SCAP: variants seen among roughly 807,000 people sequenced by gnomAD.
The protein encoded by SCAP is sterol regulatory element-binding protein cleavage-activating protein.
In SCAP, 65 loss-of-function variants were observed where a neutral mutation model predicts 123.6. The observed-to-expected ratio is 0.53, with a 90% CI of 0.43 to 0.65. SCAP has a LOEUF of 0.65. SCAP is among the 30% of genes least tolerant of loss of function. The probability of loss-of-function intolerance (pLI) is 0.00; values close to 1 mark genes in which losing one functional copy is unlikely to be tolerated. For missense variants in SCAP, 1,398 were observed against 1,712.5 expected (o/e 0.82, Z 3.24); for synonymous variants, 740 against 726.3 (o/e 1.02, Z -0.30).
chr3:47,427,344 C>T, intron 5 of SCAP, 82 bp from the exon 6 acceptor site: 1 of 1,545,836 alleles, frequency 6.5e-7, no homozygotes, highest in Non-Finnish European at 8.9e-7. Flanking sequence ...CACCCCCACC[C>T]TGGGAAACAA....
chr3:47,424,874 C>T (rs1041600332), intron 8 of SCAP, among the ~76,000 whole-genome samples: 1 of 152,116 alleles, frequency 6.6e-6, no homozygotes, highest in Non-Finnish European at 1.5e-5. Context: ...CGGGCCTAGC[C>T]AGAGCCAAGA....
At position 47,426,013 on chromosome 3, in the gene SCAP, G is replaced by A. The variant is rs191684305; in HGVS notation, c.894C>T (p.Tyr298=). Residue 298 remains tyrosine, a synonymous_variant, in exon 7 of 23, where the codon TAC becomes TAT. Transcript: ENST00000265565. ...LVTTYIILFA[Y]IYFSTRKIDM... The stretch of plus-strand genomic sequence containing the variant: ...TGAACCTACGCGTGGAGAAGTAGAT[G>A]TAGGCAAACAAGATGATGTAGGTGG... 1.2e-5 allele frequency: 20 copies of A among 1,614,188 alleles called. 1 individual carries two copies. The highest frequency in any genetic ancestry group is 3.3e-4 in the Middle Eastern group (2 of 6,062).
chr3:47,428,160 C>A (rs1706218388), intron 4 of SCAP, among the ~76,000 whole-genome samples: 1 of 152,098 alleles, frequency 6.6e-6, no homozygotes, highest in Admixed American at 6.6e-5. Context: ...CAGAAGGTAC[C>A]CCCAGGTAGA....
intron 1 of SCAP, among the ~76,000 whole-genome samples, chr3:47,469,009 T>C (rs887865683): frequency 6.6e-6 from 1 of 152,214 alleles, no homozygotes; most frequent in Admixed American, 6.5e-5. Context: ...GATGGTTGCA[T>C]AACAATGTGA....
chr3:47,445,146 T>TA (rs548478732), intron 1 of SCAP, among the ~76,000 whole-genome samples: 91 of 152,260 alleles, frequency 6.0e-4, no homozygotes, highest in African/African-American at 2.1e-3. Context: ...CATCAGTTGA[T>TA]AAACATTTGG....
At position 47,424,027 on chromosome 3, in the gene SCAP, A is replaced by G. The variant is rs1384575313; in HGVS notation, c.1056T>C (p.Leu352=). 1.2e-6 allele frequency: 2 copies of G among 1,613,232 alleles called. No individual in the cohort carries two copies. The highest frequency in any genetic ancestry group is 2.2e-5 in the South Asian group (2 of 91,060). ...TLNGGEIFPY[L]VVVIGLENVL... is the part of the protein sequence containing the mutation. ...CATTCTCTAACCCAATAACCACCAC[A>G]AGGTAGGGGAAAATCTCGCTGGGGA... Residue 352 remains leucine (L), a synonymous_variant, in exon 9 of 23, where the codon CTT becomes CTC. Coordinates refer to ENST00000265565, the MANE Select transcript of SCAP (RefSeq NM_012235.4).
In SCAP at chr3:47,419,783, GCAGCA is replaced by G. The variant is rs1705808853; in HGVS notation, c.1564-84_1564-80del. On this transcript the variant is annotated intron_variant, in intron 12 of 22. Coordinates refer to ENST00000265565, the MANE Select transcript of SCAP (RefSeq NM_012235.4). The surrounding 1 kb of genome is among the most constrained non-coding windows in gnomAD (Gnocchi z 5.0). The stretch of plus-strand genomic sequence containing the variant: ...GCTTCAGCCCTCATGCTGAGAGGAA[GCAGCA>G]CAGGGACCTCAGGCCTGGGGATGGA... The G allele has an allele frequency of 4.1e-6, 6 of 1,472,436 alleles. No homozygotes were observed. The highest frequency in any genetic ancestry group is 5.4e-6 in the Non-Finnish European group (6 of 1,104,044). 91.2% of individuals were successfully genotyped at this position (1,472,436 alleles called of 1,614,324 possible). A position where few individuals can be genotyped will look rare whatever the true frequency, so the allele number is the denominator to read the frequency against.
At chr3:47,421,617 T>G (rs947777519) in intron 10 of SCAP, among the ~76,000 whole-genome samples, 1 of 152,274 alleles carries the variant, frequency 6.6e-6, no homozygotes, top group Non-Finnish European at 1.5e-5. Flanking sequence ...TACTCCGATC[T>G]GGGGTAAGAC....
At chr3:47,426,243 G>T in intron 6 of SCAP, 74 bp from the exon 7 acceptor site, 1 of 1,474,630 alleles carries the variant, frequency 6.8e-7, no homozygotes. Flanking sequence ...TCCCCGGACA[G>T]AGGGTCCATC....
In SCAP at chr3:47,417,400, AGGGGAGCCTTTCTCG is replaced by A. The variant is rs1705636606; in HGVS notation, c.2859_2873del (p.Glu954_Pro958del). On this transcript the variant is annotated inframe_deletion, in exon 17 of 23. Transcript: ENST00000265565. ...CGGCACTGGGGGCCCAGGCGAGGGA[AGGGGAGCCTTTCTCG>A]GGGGAGCCACCCTCGTCCTCAGGGG... is the stretch of plus-strand genomic sequence containing the variant. 1.3e-6 allele frequency: 2 copies of A among 1,587,846 alleles called. No individual in the cohort carries two copies. Among genetic ancestry groups the A allele is most frequent in the Non-Finnish European group, 1.7e-6 (2 of 1,168,612 alleles).
rs752237681 is a variant in SCAP, at chr3:47,417,375, C to T, written c.2899G>A (p.Glu967Lys). 21 of 1,606,620 alleles carry T rather than the reference C, an allele frequency of 1.3e-5. No individual in the cohort carries two copies. The highest frequency in any genetic ancestry group is 3.4e-5 in the Admixed American group (2 of 59,286). ...AGCTCCAAGCTCCAGATGGAACCCT[C>T]GGCACTGGGGGCCCAGGCGAGGGAA... ...SPSLAWAPSA[E>K]GSIWSLELQG... The change falls in exon 17 of 23, where the codon GAG (glutamate) becomes AAG (lysine). Residue 967 changes from glutamate (E) to lysine (K), a missense_variant. Around this residue, in one of 7 missense-constraint regions of SCAP, gnomAD observed 828 missense variants for 882.5 expected, o/e 0.94. Coordinates refer to ENST00000265565, the MANE Select transcript of SCAP (RefSeq NM_012235.4).
chr3:47,452,557 C>T (rs1419528601), intron 1 of SCAP, among the ~76,000 whole-genome samples: 3 of 152,226 alleles, frequency 2.0e-5, no homozygotes, highest in Non-Finnish European at 2.9e-5. Flanking sequence ...TTCATCCATC[C>T]TGTTCTTCAC....
intron 3 of SCAP, among the ~76,000 whole-genome samples, chr3:47,434,631 A>G (rs951910510): frequency 3.3e-5 from 5 of 152,202 alleles, no homozygotes; most frequent in Non-Finnish European, 7.3e-5. Flanking sequence ...CAAGGTCAGG[A>G]GTTCGAGACC....
chr3:47,417,221 G>A lies in SCAP; in HGVS notation c.2971-14C>T, dbSNP rs748061181. The A allele has an allele frequency of 6.2e-7, 1 of 1,612,876 alleles. No homozygotes were observed. Among genetic ancestry groups the A allele is most frequent in the Non-Finnish European group, 8.5e-7 (1 of 1,179,966 alleles). ...GGCGTCCCACACCTACGAGTCCAGA[G>A]GCTGTGAGCACCTGCCAGCCAGAAA... On this transcript the variant is annotated splice_polypyrimidine_tract_variant and intron_variant, in intron 17 of 22. Coordinates refer to ENST00000265565, the MANE Select transcript of SCAP (RefSeq NM_012235.4).
At chr3:47,440,208 C>G (rs1481341060) in intron 2 of SCAP, among the ~76,000 whole-genome samples, 1 of 152,186 alleles carries the variant, frequency 6.6e-6, no homozygotes, top group Non-Finnish European at 1.5e-5. Context: ...TAAATGGAAA[C>G]TGAATGTCTA....
At chr3:47,472,558 A>C (rs1235648898) in intron 1 of SCAP, among the ~76,000 whole-genome samples, 2 of 152,150 alleles carry the variant, frequency 1.3e-5, no homozygotes, top group Non-Finnish European at 2.9e-5. Flanking sequence ...TTATGCTTAC[A>C]TACCAACTTT....
At chr3:47,416,837 G>A (rs935555591) in intron 18 of SCAP, among the ~76,000 whole-genome samples, 15 of 151,546 alleles carry the variant, frequency 9.9e-5, no homozygotes, top group East Asian at 5.8e-4. Flanking sequence ...CGTTTTAGCC[G>A]GGATGGTCTC....
In SCAP at chr3:47,413,720, T is replaced by A. The variant is rs559746982; in HGVS notation, c.*134A>T. 31 of 1,268,592 alleles carry A rather than the reference T, an allele frequency of 2.4e-5. No individual in the cohort carries two copies. In the Admixed American group the frequency reaches 3.2e-4, roughly 13 times the overall value. The allele number at this position is 1,268,592 out of a possible 1,614,324, so 78.6% of individuals were successfully genotyped here. Reference sequence around the variant, plus strand: ...CCTGACAGATGATGATATGGTTTTTTAAAAAAGTTTAATATTATTACAGTC... The same window carrying A: ...CCTGACAGATGATGATATGGTTTTTAAAAAAAGTTTAATATTATTACAGTC... On this transcript the variant is annotated 3_prime_UTR_variant, in exon 23 of 23. Transcript: ENST00000265565.
chr3:47,432,015 G>C (rs976526990), intron 3 of SCAP, among the ~76,000 whole-genome samples: 2 of 151,930 alleles, frequency 1.3e-5, no homozygotes, highest in Non-Finnish European at 2.9e-5. Flanking sequence ...AGTTTATTTT[G>C]TTGCAAAAAT....
Sources: gnomAD v4.1 joint callset for allele counts (sites outside exome capture counted in the v4.1 genomes callset) on GRCh38, gnomAD v4.1.1 for gene constraint, gnomAD v4.1.1 regional missense constraint, Gnocchi (gnomAD v3.1) non-coding constraint, MANE v1.5 for transcripts, NCBI Gene and HGNC (gene_info 2026-07-23, HGNC 2026-07-21) for gene names.